Variants in NCOA1 observed in about 807,000 individuals in gnomAD.
NCOA1 encodes the protein Hin-2 protein.
A neutral mutation model predicts 150.9 loss-of-function variants in NCOA1; 35 were observed. The observed-to-expected ratio is 0.23, with a 90% CI of 0.18 to 0.31. The LOEUF (loss-of-function observed/expected upper bound fraction) is 0.31. NCOA1 is among the 10% of genes least tolerant of loss of function. NCOA1 has a pLI of 1.00. For missense variants in NCOA1, 1,491 were observed against 1,749.3 expected (o/e 0.85, Z 2.63); for synonymous variants, 590 against 630.0 (o/e 0.94, Z 0.95).
intron 14 of NCOA1, among the ~76,000 whole-genome samples, chr2:24,723,217 A>G (rs906984472): frequency 6.6e-6 from 1 of 152,200 alleles, no homozygotes; most frequent in African/African-American, 2.4e-5. Flanking sequence ...TATACACATT[A>G]GCTGTTCTGT....
intron 3 of NCOA1, among the ~76,000 whole-genome samples, chr2:24,641,518 T>G (rs1198185032): frequency 1.3e-5 from 2 of 152,240 alleles, no homozygotes; most frequent in East Asian, 3.9e-4. Flanking sequence ...AAAAGTTCCT[T>G]TAGTATTTCT....
At chr2:24,577,913 A>G (rs558367158) in intron 2 of NCOA1, among the ~76,000 whole-genome samples, 2 of 152,244 alleles carry the variant, frequency 1.3e-5, no homozygotes, top group African/African-American at 4.8e-5. Context: ...TATGCTTTCA[A>G]ATTTAAGTTA....
chr2:24,552,354 T>TATATATATATATATA (rs1491126634), intron 1 of NCOA1, among the ~76,000 whole-genome samples: 9 of 34,358 alleles, frequency 2.6e-4, no homozygotes, highest in Admixed American at 9.4e-4. Context: ...TATATATATA[T>TATATATATATATATA]TTTTTTTTTT....
intron 5 of NCOA1, among the ~76,000 whole-genome samples, chr2:24,660,594 T>C (rs965429470): frequency 2.6e-5 from 4 of 152,154 alleles, no homozygotes; most frequent in Non-Finnish European, 4.4e-5. Context: ...TGCATAGATA[T>C]ATTCAGTCCC....
In NCOA1 at chr2:24,752,162, G is replaced by A. The variant is rs1316141650; in HGVS notation, c.3881+6G>A. On this transcript the variant is annotated splice_donor_region_variant and intron_variant, in intron 20 of 22. Coordinates refer to ENST00000348332, the MANE Select transcript of NCOA1 (RefSeq NM_003743.5). ...GGAGCGATAGGAAACAACAAGTAAG[G>A]GGGCAGTTTTTATATATGAGCATCC... is the stretch of plus-strand genomic sequence containing the variant. The A allele has an allele frequency of 1.2e-6, 2 of 1,613,000 alleles. No homozygotes were observed. Among genetic ancestry groups the A allele is most frequent in the Non-Finnish European group, 1.7e-6 (2 of 1,179,456 alleles).
At chr2:24,562,986 C>T (rs1453234780) in intron 1 of NCOA1, among the ~76,000 whole-genome samples, 2 of 152,182 alleles carry the variant, frequency 1.3e-5, no homozygotes, top group Non-Finnish European at 2.9e-5. Flanking sequence ...CTGGAAGTGT[C>T]ACTCTGGAGA....
chr2:24,550,143 C>A (rs1188727530), intron 1 of NCOA1, among the ~76,000 whole-genome samples: 1 of 152,194 alleles, frequency 6.6e-6, no homozygotes, highest in Non-Finnish European at 1.5e-5. Flanking sequence ...TACAACAAGT[C>A]TCTACAAAGT....
chr2:24,766,044 G>A (rs1665047899), intron 22 of NCOA1, among the ~76,000 whole-genome samples: 1 of 151,980 alleles, frequency 6.6e-6, no homozygotes, highest in Non-Finnish European at 1.5e-5. Flanking sequence ...AGAATGACAG[G>A]CGTGTGCCAC....
At chr2:24,492,150 G>T (rs1662995351) in intron 1 of NCOA1, 1 of 152,218 alleles carries the variant, frequency 6.6e-6, no homozygotes. Flanking sequence ...TGACCCCGGC[G>T]CGCTTGCTCG....
chr2:24,539,330 G>A (rs193094904), intron 1 of NCOA1, among the ~76,000 whole-genome samples: 36 of 152,278 alleles, frequency 2.4e-4, no homozygotes, highest in Non-Finnish European at 4.6e-4. Flanking sequence ...GGGGAAGGAA[G>A]CATTAGAGAC....
intron 17 of NCOA1, among the ~76,000 whole-genome samples, chr2:24,736,355 A>G (rs1344396153): frequency 2.6e-5 from 4 of 152,198 alleles, no homozygotes; most frequent in East Asian, 1.9e-4. Context: ...GGAGAATAAT[A>G]TAAAGAGAAA....
chr2:24,492,214 T>G (rs181219185), intron 1 of NCOA1: 5 of 151,836 alleles, frequency 3.3e-5, no homozygotes, highest in Admixed American at 2.6e-4. Flanking sequence ...ATACTGGACA[T>G]GTTCCTGTCG....
At chr2:24,739,334 A>T (rs773148709) in intron 17 of NCOA1, 98 bp from the exon 18 acceptor site, 1 of 887,866 alleles carries the variant, frequency 1.1e-6, no homozygotes, top group African/African-American at 1.7e-5. Context: ...TGCAACACTA[A>T]AACTTTTTAG....
chr2:24,711,318 A>G (rs1673737300), intron 14 of NCOA1: 1 of 466,448 alleles, frequency 2.1e-6, no homozygotes. Context: ...TCCTTTTGTA[A>G]TTAATGTTAA....
intron 1 of NCOA1, among the ~76,000 whole-genome samples, chr2:24,546,166 C>A (rs1185464966): frequency 1.3e-5 from 2 of 151,608 alleles, no homozygotes; most frequent in African/African-American, 4.9e-5. Flanking sequence ...GATTGTACTG[C>A]TGTACTCTAG....
intron 16 of NCOA1, among the ~76,000 whole-genome samples, chr2:24,728,699 C>A (rs1157876743): frequency 6.6e-6 from 1 of 152,102 alleles, no homozygotes; most frequent in African/African-American, 2.4e-5. Context: ...CAGAATCTTA[C>A]AAGCTCCAGC....
intron 3 of NCOA1, among the ~76,000 whole-genome samples, chr2:24,596,124 G>A (rs1035906970): frequency 4.6e-5 from 7 of 152,040 alleles, no homozygotes; most frequent in Non-Finnish European, 1.0e-4. Flanking sequence ...TACCAAAAGA[G>A]CCCCATTGTG....
chr2:24,567,863 C>T (rs1011037587), intron 2 of NCOA1, among the ~76,000 whole-genome samples: 2 of 152,078 alleles, frequency 1.3e-5, no homozygotes, highest in African/African-American at 2.4e-5. Context: ...CAATTCTCCT[C>T]CTCCCCAGTA....
At chr2:24,757,785 C>A (rs1407477589) in intron 20 of NCOA1, among the ~76,000 whole-genome samples, 188 bp from the exon 21 acceptor site, 1 of 151,992 alleles carries the variant, frequency 6.6e-6, no homozygotes, top group East Asian at 1.9e-4. Context: ...GAGCTCTTTT[C>A]AGTTATTTAA....
Sources: allele counts gnomAD v4.1 joint callset (sites outside exome capture counted in the v4.1 genomes callset), GRCh38; gene constraint gnomAD v4.1.1; transcripts MANE v1.5; gene names NCBI Gene and HGNC (gene_info 2026-07-23, HGNC 2026-07-21).